Variants in DENND5B observed in about 807,000 individuals in gnomAD.
DENND5B encodes DENN domain containing 5B, also known as DENN domain-containing protein 5B.
In DENND5B, 34 loss-of-function variants were observed where a neutral mutation model predicts 140.6. That is an observed-to-expected ratio of 0.24 (90% CI 0.18 to 0.32). DENND5B has a LOEUF of 0.32. Among genes scored for constraint, DENND5B ranks in the 10% least tolerant of loss-of-function variants. The pLI is 1.00. For synonymous variants in DENND5B, 551 were observed against 562.1 expected (o/e 0.98, Z 0.28); for missense variants, 1,142 against 1,560.2 (o/e 0.73, Z 4.52).
intron 1 of DENND5B, among the ~76,000 whole-genome samples, chr12:31,520,982 G>T (rs1947853374): frequency 1.3e-5 from 2 of 152,068 alleles, no homozygotes; most frequent in South Asian, 4.1e-4. Flanking sequence ...TTGAAATCCA[G>T]TGAGTATTTT....
intron 1 of DENND5B, among the ~76,000 whole-genome samples, chr12:31,580,029 GACT>G (rs1950166340): frequency 6.6e-6 from 1 of 151,842 alleles, no homozygotes; most frequent in African/African-American, 2.4e-5. Flanking sequence ...TGTACTGACT[GACT>G]GTGCCCAAAG....
chr12:31,525,074 A>G (rs1948039228), intron 1 of DENND5B, among the ~76,000 whole-genome samples: 1 of 152,214 alleles, frequency 6.6e-6, no homozygotes, highest in Non-Finnish European at 1.5e-5. Flanking sequence ...GAAAAGACAG[A>G]CATTAACACA....
intron 10 of DENND5B, 91 bp from the exon 11 acceptor site, chr12:31,423,766 T>C (rs911140086): frequency 1.5e-6 from 2 of 1,349,104 alleles, no homozygotes; most frequent in Admixed American, 3.6e-5. Flanking sequence ...AATAGCCATT[T>C]AGAAGTCTGG....
intron 1 of DENND5B, among the ~76,000 whole-genome samples, chr12:31,498,793 T>C (rs1946885359): frequency 6.6e-6 from 1 of 151,934 alleles, no homozygotes; most frequent in Admixed American, 6.6e-5. Flanking sequence ...GCGAACGTGC[T>C]GAAATCCTGT....
intron 19 of DENND5B, among the ~76,000 whole-genome samples, chr12:31,391,303 A>C (rs1303568336): frequency 6.6e-6 from 1 of 152,152 alleles, no homozygotes; most frequent in Non-Finnish European, 1.5e-5. Context: ...TACATGGCTC[A>C]CTTCCTCACC....
At chr12:31,433,319 A>AT in intron 7 of DENND5B, 71 bp from the exon 8 acceptor site, 1 of 1,284,082 alleles carries the variant, frequency 7.8e-7, no homozygotes, top group Non-Finnish European at 1.1e-6. Flanking sequence ...ATTCAACACA[A>AT]AAGACTGACA....
intron 3 of DENND5B, among the ~76,000 whole-genome samples, chr12:31,467,476 AAAGT>A (rs1376534657): frequency 6.6e-6 from 1 of 152,022 alleles, no homozygotes; most frequent in Non-Finnish European, 1.5e-5. Context: ...AGAAAAAAAA[AAAGT>A]AAGAAAAAAA....
rs1301701678 is a variant in DENND5B, at chr12:31,386,584, T to G, written c.*1019A>C. On this transcript the variant is annotated 3_prime_UTR_variant, in exon 21 of 21. Coordinates refer to ENST00000389082, the MANE Select transcript of DENND5B (RefSeq NM_144973.4). ...GTCAACAAATGCTTTCACAAAAACA[T>G]TCCAAGCCACACACAGCCCTCCTCC... is the stretch of plus-strand genomic sequence containing the variant. 6.6e-6 allele frequency: 1 copy of G among 152,214 alleles called. No homozygotes were observed. Among genetic ancestry groups the G allele is most frequent in the Non-Finnish European group, 1.5e-5 (1 of 68,068 alleles). 9.4% of individuals were successfully genotyped at this position (152,214 alleles called of 1,614,324 possible).
At chr12:31,405,640 C>T (rs1037102178) in intron 14 of DENND5B, among the ~76,000 whole-genome samples, 3 of 151,978 alleles carry the variant, frequency 2.0e-5, no homozygotes, top group South Asian at 2.1e-4. Flanking sequence ...CTCTGCCGCC[C>T]GGGTTCAAGT....
At chr12:31,528,488 T>C (rs1434382967) in intron 1 of DENND5B, among the ~76,000 whole-genome samples, 1 of 152,188 alleles carries the variant, frequency 6.6e-6, no homozygotes, top group Non-Finnish European at 1.5e-5. Context: ...CGACCTGACA[T>C]TTAATCTACC....
chr12:31,495,012 C>G (rs951072837), intron 2 of DENND5B, among the ~76,000 whole-genome samples: 1 of 152,180 alleles, frequency 6.6e-6, no homozygotes, highest in African/African-American at 2.4e-5. Flanking sequence ...TGGACTCCAT[C>G]CACCGGTAAC....
chr12:31,398,538 G>A (rs913570926), intron 16 of DENND5B, among the ~76,000 whole-genome samples, 176 bp from the exon 17 acceptor site: 7 of 152,082 alleles, frequency 4.6e-5, no homozygotes, highest in African/African-American at 1.7e-4. Context: ...TTGGCCTCAA[G>A]TGATCCCCCC....
chr12:31,435,036 C>T (rs793148), intron 7 of DENND5B, among the ~76,000 whole-genome samples: 28,237 of 152,048 alleles, frequency 0.19, 2,934 homozygotes, highest in Non-Finnish European at 0.25. Context: ...ACCTAAACTA[C>T]TCCCATTCTA....
intron 17 of DENND5B, among the ~76,000 whole-genome samples, chr12:31,395,118 A>C (rs1941363128): frequency 6.6e-6 from 1 of 152,162 alleles, no homozygotes; most frequent in South Asian, 2.1e-4. Context: ...ATCTGGGTAC[A>C]AGTCTGTGTA....
chr12:31,493,929 T>C lies in DENND5B; in HGVS notation c.237+1881A>G, dbSNP rs559064602. On this transcript the variant is annotated intron_variant, in intron 2 of 20. Transcript: ENST00000389082. ...TCATTTCTGTATCTTTTTTATTTTTTTCCCATTCTTACGTATATACCCAAT... is the reference window on the plus strand; with the variant it reads ...TCATTTCTGTATCTTTTTTATTTTTCTCCCATTCTTACGTATATACCCAAT... 2.6e-5 allele frequency among the ~76,000 whole-genome samples: 4 copies of C among 152,200 alleles called. No homozygotes were observed. In the East Asian group the frequency reaches 7.7e-4, roughly 29 times the overall value.
intron 8 of DENND5B, chr12:31,431,923 T>G: frequency 3.0e-6 from 1 of 331,086 alleles, no homozygotes; most frequent in East Asian, 1.7e-4. Context: ...TGAGTTCACA[T>G]CTCAAGGTCA....
chr12:31,515,600 G>A (rs185120105), intron 1 of DENND5B, among the ~76,000 whole-genome samples: 284 of 152,182 alleles, frequency 1.9e-3, no homozygotes, highest in African/African-American at 6.5e-3. Context: ...TTCAGGATGA[G>A]TTCTAAACAA....
At position 31,383,327 on chromosome 12, in the gene DENND5B, T is replaced by C. The variant is rs1940709490; in HGVS notation, c.*4276A>G. 1 of 152,192 alleles carries C rather than the reference T, an allele frequency of 6.6e-6. No individual in the cohort carries two copies. The highest frequency in any genetic ancestry group is 2.4e-5 in the African/African-American group (1 of 41,458). The allele number at this position is 152,192 out of a possible 1,614,324, so 9.4% of individuals were successfully genotyped here. A position where few individuals can be genotyped will look rare whatever the true frequency, so the allele number is the denominator to read the frequency against. ...CTCATGTTTCAAAATACCTTAGGGATGTCAACATATACTACACATAAGCTG... is the reference window on the plus strand; with the variant it reads ...CTCATGTTTCAAAATACCTTAGGGACGTCAACATATACTACACATAAGCTG... On this transcript the variant is annotated 3_prime_UTR_variant, in exon 21 of 21. Coordinates refer to ENST00000389082, the MANE Select transcript of DENND5B (RefSeq NM_144973.4).
chr12:31,476,894 G>C (rs1446982818), intron 3 of DENND5B, among the ~76,000 whole-genome samples: 1 of 152,144 alleles, frequency 6.6e-6, no homozygotes, highest in Non-Finnish European at 1.5e-5. Context: ...CAAGATTCAA[G>C]AAAATGGCCT....
Sources: gnomAD v4.1 joint callset for allele counts (sites outside exome capture counted in the v4.1 genomes callset) on GRCh38, gnomAD v4.1.1 for gene constraint, MANE v1.5 for transcripts, NCBI Gene and HGNC (gene_info 2026-07-23, HGNC 2026-07-21) for gene names.